UGT1A6: variants seen among roughly 807,000 people sequenced by gnomAD.
UGT1A6 encodes the protein UDP glucuronosyltransferase family 1 member A6, also known as UDP-glucuronosyltransferase 1A6.
UGT1A6 carries 32 observed loss-of-function variants against 44.4 expected under a neutral mutation model. The ratio of observed to expected loss-of-function variants is 0.72; its 90% CI spans 0.54 to 0.97. UGT1A6 has a LOEUF of 0.97. Among genes scored for constraint, UGT1A6 ranks in the 50% least tolerant of loss-of-function variants. The probability of loss-of-function intolerance (pLI) is 0.00; values close to 1 mark genes in which losing one functional copy is unlikely to be tolerated. For missense variants in UGT1A6, 685 were observed against 661.9 expected (o/e 1.03, Z -0.38); for synonymous variants, 238 against 248.5 (o/e 0.96, Z 0.40).
intron 1 of UGT1A6, among the ~76,000 whole-genome samples, chr2:233,745,359 T>C (rs1693087211): frequency 6.6e-6 from 1 of 151,886 alleles, no homozygotes; most frequent in Admixed American, 6.5e-5. Flanking sequence ...GGGAATTTTT[T>C]TGAGATCTGA....
In UGT1A6 at chr2:233,772,586, T is replaced by C. The variant is rs370727977; in HGVS notation, c.*27T>C. The C allele has an allele frequency of 3.7e-6, 6 of 1,604,570 alleles. No individual in the cohort carries two copies. The highest frequency in any genetic ancestry group is 5.1e-6 in the Non-Finnish European group (6 of 1,175,016). On this transcript the variant is annotated 3_prime_UTR_variant, in exon 5 of 5. Coordinates refer to ENST00000305139, the MANE Select transcript of UGT1A6 (RefSeq NM_001072.4). Reference sequence around the variant, plus strand: ...AAGTGGGTGGGAAATAAGGTAAAATTTTGAACCATTCCCTAGTCATTTCCA... The same window carrying C: ...AAGTGGGTGGGAAATAAGGTAAAATCTTGAACCATTCCCTAGTCATTTCCA...
rs966226229 is a variant in UGT1A6, at chr2:233,692,946, C to T, written c.-59C>T. 3.1e-6 allele frequency: 5 copies of T among 1,599,154 alleles called. No homozygotes were observed. In the African/African-American group the frequency reaches 5.4e-5, roughly 17 times the overall value. On this transcript the variant is annotated 5_prime_UTR_variant, in exon 1 of 5. Transcript: ENST00000305139. ...TTAGTTTAGGGAAAATACCTAGGAG[C>T]CCTGTGATTTGGAGAGTGAAAACTC...
Position 233,693,804 on chromosome 2 carries a change from T to A in UGT1A6, c.800T>A (p.Val267Asp). The A allele has an allele frequency of 1.2e-6, 2 of 1,614,202 alleles. No homozygotes were observed. The highest frequency in any genetic ancestry group is 1.7e-6 in the Non-Finnish European group (2 of 1,180,026). ...TTTGTGCTTGAATATCCTAGGCCGG[T>A]CATGCCCAACATGGTCTTCATTGGA... ...YDFVLEYPRP[V>D]MPNMVFIGGI... Residue 267 changes from valine to aspartate, a missense_variant, in exon 1 of 5, where the codon GTC becomes GAC. Physicochemically the swap from Val to Asp is radical, Grantham distance 152. Coordinates refer to ENST00000305139, the MANE Select transcript of UGT1A6 (RefSeq NM_001072.4).
At chr2:233,696,193 T>C (rs1686074902) in intron 1 of UGT1A6, among the ~76,000 whole-genome samples, 1 of 152,196 alleles carries the variant, frequency 6.6e-6, no homozygotes, top group Admixed American at 6.5e-5. Context: ...CTATCTGCAC[T>C]CCCATGTTTA....
At chr2:233,717,873 G>A (rs1268919584) in intron 1 of UGT1A6, 4 of 454,746 alleles carry the variant, frequency 8.8e-6, no homozygotes, top group African/African-American at 2.0e-5. Flanking sequence ...TTGACTTGGA[G>A]AAAAGCCTGG....
At chr2:233,735,055 G>A (rs1012259706) in intron 1 of UGT1A6, among the ~76,000 whole-genome samples, 1 of 152,132 alleles carries the variant, frequency 6.6e-6, no homozygotes, top group Non-Finnish European at 1.5e-5. Context: ...CTGAGTTCAG[G>A]TCCTGGATAT....
At chr2:233,729,259 C>A (rs45625338) in intron 1 of UGT1A6, 1 of 1,613,960 alleles carries the variant, frequency 6.2e-7, no homozygotes, top group Admixed American at 1.7e-5. Context: ...GCTCAGCATG[C>A]GGGAGGTCTT....
At chr2:233,726,413 T>C (rs2125719382) in intron 1 of UGT1A6, among the ~76,000 whole-genome samples, 1 of 152,348 alleles carries the variant, frequency 6.6e-6, no homozygotes, top group African/African-American at 2.4e-5. Context: ...GTCAGCATTC[T>C]GATTCTGTCC....
chr2:233,772,282 G>T lies in UGT1A6; in HGVS notation c.1322G>T (p.Arg441Leu), dbSNP rs748166510. 6.2e-7 allele frequency: 1 copy of T among 1,614,194 alleles called. No homozygotes were observed. Among genetic ancestry groups the T allele is most frequent in the Non-Finnish European group, 8.5e-7 (1 of 1,180,040 alleles). The change falls in exon 5 of 5, where the codon CGC becomes CTC. Residue 441 changes from arginine (R) to leucine (L), a missense_variant. By Grantham distance (102) the Arg-to-Leu change is moderately radical. Transcript: ENST00000305139. ...TTTAGTTACAAGGAGAACATCATGC[G>T]CCTCTCCAGCCTTCACAAGGACCGC... ...NDKSYKENIM[R>L]LSSLHKDRPV...
chr2:233,719,129 A>C lies in UGT1A6; in HGVS notation c.861+25264A>C, dbSNP rs1422705774. 6 of 1,614,158 alleles carry C rather than the reference A, an allele frequency of 3.7e-6. No individual in the cohort carries two copies. In the African/African-American group the frequency reaches 6.7e-5, roughly 18 times the overall value. ...GCTACACTCAAGGGTTCTTTGAAACAGAACATCTTCTGAAGAGATATTCTA... is the reference window on the plus strand; with the variant it reads ...GCTACACTCAAGGGTTCTTTGAAACCGAACATCTTCTGAAGAGATATTCTA... On this transcript the variant is annotated intron_variant, in intron 1 of 4. Transcript: ENST00000305139.
intron 1 of UGT1A6, among the ~76,000 whole-genome samples, chr2:233,702,348 A>T (rs2075682306): frequency 6.6e-6 from 1 of 152,082 alleles, no homozygotes; most frequent in Non-Finnish European, 1.5e-5. Flanking sequence ...TTGTTCTAAT[A>T]GTTTTTTTTT....
intron 1 of UGT1A6, chr2:233,755,263 C>T: frequency 1.2e-6 from 1 of 800,084 alleles, no homozygotes; most frequent in South Asian, 1.5e-5. Context: ...TCGTAGTAGT[C>T]CACTATGCTG....
In UGT1A6 at chr2:233,693,661, C is replaced by G; in HGVS notation, c.657C>G (p.Pro219=). ...ACTTCCTTGTTAATTTGTTGGAGCC[C>G]TATCTATTTTATTGTCTGTTTTCAA... is the stretch of plus-strand genomic sequence containing the variant. ...VANFLVNLLE[P]YLFYCLFSKY... Residue 219 remains proline, a synonymous_variant, in exon 1 of 5, where the codon CCC becomes CCG. Transcript: ENST00000305139. The G allele has an allele frequency of 6.2e-7, 1 of 1,614,126 alleles. No individual in the cohort carries two copies. Among genetic ancestry groups the G allele is most frequent in the Non-Finnish European group, 8.5e-7 (1 of 1,180,004 alleles).
At chr2:233,740,238 G>A (rs1254751502) in intron 1 of UGT1A6, among the ~76,000 whole-genome samples, 1 of 151,796 alleles carries the variant, frequency 6.6e-6, no homozygotes, top group Non-Finnish European at 1.5e-5. Context: ...AGCAGGCTGA[G>A]AATAGACTAA....
intron 1 of UGT1A6, among the ~76,000 whole-genome samples, chr2:233,726,510 G>T (rs558172784): frequency 5.9e-4 from 89 of 152,028 alleles, no homozygotes; most frequent in Middle Eastern, 3.4e-3. Context: ...GAATTTCATG[G>T]TACTTTTCCA....
intron 1 of UGT1A6, among the ~76,000 whole-genome samples, chr2:233,726,758 C>T (rs2125721651): frequency 6.6e-6 from 1 of 152,360 alleles, no homozygotes; most frequent in East Asian, 1.9e-4. Context: ...CTGCCTACCA[C>T]AGACACTAAG....
At chr2:233,726,191 A>T (rs942571652) in intron 1 of UGT1A6, among the ~76,000 whole-genome samples, 2 of 152,194 alleles carry the variant, frequency 1.3e-5, no homozygotes, top group African/African-American at 4.8e-5. Context: ...TCTTTGGCAT[A>T]TGGAAATCTT....
In UGT1A6 at chr2:233,739,254, G is replaced by T. The variant is rs1485037127; in HGVS notation, c.862-27780G>T. Among the ~76,000 whole-genome samples, 4 of 152,216 alleles carry T rather than the reference G, an allele frequency of 2.6e-5. No homozygotes were observed. In the East Asian group the frequency reaches 7.7e-4, roughly 29 times the overall value. ...ACCTCTGCTAGAGAAGGGTGGTAAA[G>T]AAATGTGAGGTTGGAGCCCCCACAC... On this transcript the variant is annotated intron_variant, in intron 1 of 4. Transcript: ENST00000305139.
At chr2:233,699,323 T>A (rs557152275) in intron 1 of UGT1A6, among the ~76,000 whole-genome samples, 1 of 152,360 alleles carries the variant, frequency 6.6e-6, no homozygotes, top group East Asian at 1.9e-4. Flanking sequence ...GCTATTTTGT[T>A]GAGTTTCATC....
Sources: allele counts gnomAD v4.1 joint callset (sites outside exome capture counted in the v4.1 genomes callset), GRCh38; gene constraint gnomAD v4.1.1; transcripts MANE v1.5; gene names NCBI Gene and HGNC (gene_info 2026-07-23, HGNC 2026-07-21).